Variants in TJP1 observed in about 807,000 individuals in gnomAD.
The protein encoded by TJP1 is tight junction protein ZO-1.
Under a neutral mutation model 194.2 loss-of-function variants are expected in TJP1, and 43 were observed. That is an observed-to-expected ratio of 0.22 (90% CI 0.17 to 0.29). The LOEUF (loss-of-function observed/expected upper bound fraction) is 0.29. Among genes scored for constraint, TJP1 ranks in the 10% least tolerant of loss-of-function variants. The pLI is 1.00. For synonymous variants in TJP1, 801 were observed against 779.0 expected (o/e 1.03, Z -0.47); for missense variants, 1,971 against 2,185.7 (o/e 0.90, Z 1.96).
chr15:29,906,682 C>A (rs575823070), intron 2 of TJP1, among the ~76,000 whole-genome samples: 1 of 151,600 alleles, frequency 6.6e-6, no homozygotes, highest in Non-Finnish European at 1.5e-5. Flanking sequence ...TGGGTTCAAG[C>A]GATTTTCGTG....
intron 23 of TJP1, among the ~76,000 whole-genome samples, chr15:29,712,215 G>A (rs1304986469): frequency 6.6e-6 from 1 of 152,178 alleles, no homozygotes; most frequent in Non-Finnish European, 1.5e-5. Context: ...CATTGAAGAA[G>A]TCTTATGATT....
At chr15:29,734,088 T>C (rs1432678386) in intron 12 of TJP1, among the ~76,000 whole-genome samples, 186 bp downstream of exon 12, 1 of 152,186 alleles carries the variant, frequency 6.6e-6, no homozygotes, top group Non-Finnish European at 1.5e-5. Flanking sequence ...TAGCATGCTC[T>C]GCTAATGAGA....
intron 2 of TJP1, among the ~76,000 whole-genome samples, chr15:29,941,174 A>C (rs1407451415): frequency 2.0e-5 from 3 of 152,148 alleles, no homozygotes; most frequent in South Asian, 2.1e-4. Context: ...AGGCAGGCCC[A>C]CGCTGCCTTT....
At chr15:29,838,052 A>G (rs141326041) in intron 2 of TJP1, among the ~76,000 whole-genome samples, 129 of 152,358 alleles carry the variant, frequency 8.5e-4, no homozygotes, top group South Asian at 1.7e-3. Flanking sequence ...GTTAGCATCT[A>G]TAAATTCATC....
chr15:29,956,458 A>C, intron 1 of TJP1: 1 of 1,148,142 alleles, frequency 8.7e-7, no homozygotes, highest in South Asian at 1.6e-5. Flanking sequence ...GCAGCTTTGG[A>C]AATGTCACAC....
chr15:29,964,328 A>G (rs144521737), intron 1 of TJP1, among the ~76,000 whole-genome samples: 304 of 152,334 alleles, frequency 2.0e-3, no homozygotes, highest in African/African-American at 7.0e-3. Flanking sequence ...ATATGTATAC[A>G]TCATATTATA....
intron 2 of TJP1, among the ~76,000 whole-genome samples, chr15:29,857,803 C>T (rs1006777472): frequency 5.9e-5 from 9 of 152,032 alleles, no homozygotes; most frequent in African/African-American, 1.9e-4. Flanking sequence ...CTCTTGTTGC[C>T]CAGGCTGGAG....
At position 29,800,662 on chromosome 15, in the gene TJP1, G is replaced by C; in HGVS notation, c.68C>G (p.Thr23Arg). 1 of 1,613,860 alleles carries C rather than the reference G, an allele frequency of 6.2e-7. No individual in the cohort carries two copies. The highest frequency in any genetic ancestry group is 8.5e-7 in the Non-Finnish European group (1 of 1,179,928). Residue 23 changes from threonine (T) to arginine (R), a missense_variant, in exon 2 of 28, where the codon ACA (threonine) becomes AGA (arginine). By Grantham distance (71) the Thr-to-Arg change is moderately conservative. Around this residue, in one of 5 missense-constraint regions of TJP1, gnomAD observed 245 missense variants for 336.6 expected, o/e 0.73. Coordinates refer to ENST00000614355, the MANE Select transcript of TJP1 (RefSeq NM_001330239.4). ...CAAACTTACCCTGTGAAGCGTCACT[G>C]TATGTTGTTCCCATATAGCTGTTTC... is the stretch of plus-strand genomic sequence containing the variant. Reference protein sequence around the residue: ...MEETAIWEQHTVTLHRAPGFG... With the variant: ...MEETAIWEQHRVTLHRAPGFG...
rs1249898757 is a variant in TJP1 at position 29,720,539 on chromosome 15, G to A, written c.2582C>T (p.Thr861Ile). 1.2e-6 allele frequency: 2 copies of A among 1,614,082 alleles called. No homozygotes were observed. Among genetic ancestry groups the A allele is most frequent in the Non-Finnish European group, 8.5e-7 (1 of 1,180,018 alleles). Residue 861 changes from threonine (T) to isoleucine (I), a missense_variant, in exon 19 of 28, where the codon ACT becomes ATT. This residue lies in a region of TJP1 where 1,108 missense variants were observed against 1,128.5 expected (regional missense o/e 0.98). Coordinates refer to ENST00000614355, the MANE Select transcript of TJP1 (RefSeq NM_001330239.4). ...GAYTDQELDE[T>I]LNDEVGTPPE... ...TGGAGTCCCAACCTCATCATTAAGA[G>A]TTTCATCTAGTTCTTGATCAGTGTA...
rs1179838490 is a variant in TJP1 at position 29,822,005 on chromosome 15, G to A, written c.24C>T (p.Ala8=). 3.0e-6 allele frequency: 4 copies of A among 1,345,446 alleles called. No homozygotes were observed. The highest frequency in any genetic ancestry group is 3.8e-6 in the Non-Finnish European group (4 of 1,045,990). The allele number at this position is 1,345,446 out of a possible 1,614,324, so 83.3% of individuals were successfully genotyped here. Residue 8 remains alanine (A), a synonymous_variant, in exon 1 of 28, where the codon GCC becomes GCT. Coordinates refer to ENST00000614355, the MANE Select transcript of TJP1 (RefSeq NM_001330239.4). MSARAAA[A]KSTAMEETAI... ...TGGCGGCCGCGGAGGCGCTCACCTTGGCGGCCGCAGCTCTGGCGGACATCT... is the reference window on the plus strand; with the variant it reads ...TGGCGGCCGCGGAGGCGCTCACCTTAGCGGCCGCAGCTCTGGCGGACATCT...
chr15:29,928,088 G>A (rs2054580514), intron 2 of TJP1, among the ~76,000 whole-genome samples: 1 of 151,182 alleles, frequency 6.6e-6, no homozygotes, highest in Non-Finnish European at 1.5e-5. Context: ...AAAATAACCA[G>A]GCATACAAAC....
chr15:29,732,841 A>G (rs149646682), intron 13 of TJP1, 26 bp from the exon 14 acceptor site: 3 of 1,552,164 alleles, frequency 1.9e-6, no homozygotes, highest in Non-Finnish European at 2.6e-6. Context: ...GAAAATTAAA[A>G]TAAGGGCATT....
intron 2 of TJP1, among the ~76,000 whole-genome samples, chr15:29,912,492 A>G (rs1243075261): frequency 1.3e-5 from 2 of 152,070 alleles, no homozygotes; most frequent in African/African-American, 4.8e-5. Flanking sequence ...GGCGGATCAC[A>G]AGGTCAGGAG....
rs555281592 is a variant in TJP1 at position 29,906,558 on chromosome 15, T to G, written c.306+49674A>C. Reference sequence around the variant, plus strand: ...ATTAAAAAATGTTCTTGAAAAATACTGGGTTTTTTTGTTGTTGTTTTGTTT... The same window carrying G: ...ATTAAAAAATGTTCTTGAAAAATACGGGGTTTTTTTGTTGTTGTTTTGTTT... On this transcript the variant is annotated intron_variant, in intron 2 of 28. Coordinates refer to the TJP1 transcript ENST00000356107. Among the ~76,000 whole-genome samples the G allele has an allele frequency of 1.5e-4, 23 of 151,826 alleles. 1 individual carries two copies. The highest frequency in any genetic ancestry group is 4.8e-4 in the African/African-American group (20 of 41,442).
chr15:29,863,561 T>A (rs1390389742), intron 2 of TJP1, among the ~76,000 whole-genome samples: 1 of 152,026 alleles, frequency 6.6e-6, no homozygotes, highest in Non-Finnish European at 1.5e-5. Flanking sequence ...ACCACAACAC[T>A]CCCTCTTTAG....
chr15:29,765,489 T>A (rs2046276525), intron 5 of TJP1, among the ~76,000 whole-genome samples: 1 of 151,994 alleles, frequency 6.6e-6, no homozygotes, highest in Non-Finnish European at 1.5e-5. Context: ...AGCAGCTGAG[T>A]TTCAGTTTCA....
chr15:29,733,305 G>A lies in TJP1; in HGVS notation c.1525C>T (p.Arg509Cys), dbSNP rs1374869194. The change falls in exon 13 of 28, where the codon CGC (arginine) becomes TGC (cysteine). Residue 509 changes from arginine to cysteine, a missense_variant. This residue lies in a region of TJP1 where 402 missense variants were observed against 484.2 expected (regional missense o/e 0.83). Coordinates refer to ENST00000614355, the MANE Select transcript of TJP1 (RefSeq NM_001330239.4). ...LAQKKKDVYR[R>C]IVESDVGDSF... ...TCTCCTACATCTGATTCTACAATGC[G>A]ACGATAAACTAAAAGGAATAAAAAC... 3.1e-6 allele frequency: 5 copies of A among 1,606,072 alleles called. No homozygotes were observed. The highest frequency in any genetic ancestry group is 1.3e-5 in the African/African-American group (1 of 74,648).
At chr15:29,739,606 G>A (rs976049918) in intron 10 of TJP1, among the ~76,000 whole-genome samples, 43 of 151,860 alleles carry the variant, frequency 2.8e-4, no homozygotes, top group Admixed American at 1.0e-3. Flanking sequence ...ACCACGCCCG[G>A]CTAATTTTTT....
chr15:29,784,599 C>T (rs1404514317), intron 2 of TJP1, among the ~76,000 whole-genome samples: 1 of 152,050 alleles, frequency 6.6e-6, no homozygotes, highest in African/African-American at 2.4e-5. Context: ...CGTACCCAGC[C>T]GAGTCAAGGA....
Sources: allele counts gnomAD v4.1 joint callset (sites outside exome capture counted in the v4.1 genomes callset), GRCh38; gene constraint gnomAD v4.1.1; regional missense constraint gnomAD v4.1.1; transcripts MANE v1.5; gene names NCBI Gene and HGNC (gene_info 2026-07-23, HGNC 2026-07-21).